UVRAG: variants seen among roughly 807,000 people sequenced by gnomAD.
The protein encoded by UVRAG is UV radiation resistance-associated gene protein.
A neutral mutation model predicts 78.0 loss-of-function variants in UVRAG; 19 were observed. The observed-to-expected ratio is 0.24, with a 90% confidence interval of 0.17 to 0.36. UVRAG has a LOEUF of 0.36. Ranked by LOEUF, UVRAG falls within the 10% of genes least tolerant of loss-of-function variation. UVRAG has a pLI of 1.00. For synonymous variants in UVRAG, 323 were observed against 324.6 expected (o/e 1.00, Z 0.05); for missense variants, 740 against 853.8 (o/e 0.87, Z 1.66).
At position 75,995,124 on chromosome 11, in the gene UVRAG, A is replaced by G. The variant is rs144124355; in HGVS notation, c.827-8881A>G. ...ACCTTTTTTAATGCCTCTCTTTATT[A>G]TTGTTATTATTATAAGTTTAATGCT... On this transcript the variant is annotated intron_variant, in intron 8 of 14. Coordinates refer to ENST00000356136, the MANE Select transcript of UVRAG (RefSeq NM_003369.4). Among the ~76,000 whole-genome samples, 60 of 151,486 alleles carry G rather than the reference A, an allele frequency of 4.0e-4. No homozygotes were observed. The East Asian group carries it at 6.0e-3, about 15-fold the overall frequency.
intron 12 of UVRAG, among the ~76,000 whole-genome samples, chr11:76,045,928 A>G (rs1950745095): frequency 6.6e-6 from 1 of 152,198 alleles, no homozygotes; most frequent in African/African-American, 2.4e-5. Flanking sequence ...TGCCTAGCAC[A>G]ATAACATTTT....
chr11:75,942,047 G>A (rs905325489), intron 6 of UVRAG: 1 of 152,112 alleles, frequency 6.6e-6, no homozygotes, highest in Non-Finnish European at 1.5e-5. Context: ...AAGAGATGGG[G>A]TGCCAGTTAT....
intron 10 of UVRAG, 72 bp from the exon 11 acceptor site, chr11:76,008,735 C>A: frequency 1.2e-6 from 1 of 842,144 alleles, no homozygotes; most frequent in Non-Finnish European, 1.9e-6. Context: ...CAGCACCGAC[C>A]TGCTGATCTG....
At chr11:75,925,076 C>T (rs1948067794) in intron 6 of UVRAG, among the ~76,000 whole-genome samples, 1 of 152,170 alleles carries the variant, frequency 6.6e-6, no homozygotes, top group Non-Finnish European at 1.5e-5. Flanking sequence ...GGCTTGAATT[C>T]ACAGAGTTAC....
intron 1 of UVRAG, among the ~76,000 whole-genome samples, chr11:75,819,268 T>G (rs1164650036): frequency 6.6e-6 from 1 of 152,206 alleles, no homozygotes. Context: ...CTTAATTTTG[T>G]CTCCTTTTGC....
chr11:76,132,934 G>C (rs112994006), intron 14 of UVRAG, among the ~76,000 whole-genome samples: 504 of 152,290 alleles, frequency 3.3e-3, no homozygotes, highest in South Asian at 0.011. Flanking sequence ...TTAACAATTA[G>C]GTAGACCGGC....
chr11:76,063,539 A>G (rs892659191), intron 12 of UVRAG, among the ~76,000 whole-genome samples: 3 of 152,212 alleles, frequency 2.0e-5, no homozygotes, highest in African/African-American at 2.4e-5. Context: ...GCTACAAGGT[A>G]TGGTTCAAAT....
chr11:76,141,581 A>G lies in UVRAG; in HGVS notation c.*168A>G, dbSNP rs1433033868. On this transcript the variant is annotated 3_prime_UTR_variant, in exon 15 of 15. Transcript: ENST00000356136. Reference sequence around the variant, plus strand: ...GGAGGGACTCAGGATCATTGTTATCAGTGGGCCAAAGTTAGATTTTGCTTT... The same window carrying G: ...GGAGGGACTCAGGATCATTGTTATCGGTGGGCCAAAGTTAGATTTTGCTTT... 1.4e-5 allele frequency: 10 copies of G among 731,250 alleles called. No homozygotes were observed. Among genetic ancestry groups the G allele is most frequent in the Non-Finnish European group, 1.9e-5 (9 of 465,746 alleles). 45.3% of individuals were successfully genotyped at this position (731,250 alleles called of 1,614,324 possible). A position where few individuals can be genotyped will look rare whatever the true frequency, so the allele number is the denominator to read the frequency against.
intron 2 of UVRAG, among the ~76,000 whole-genome samples, chr11:75,853,166 GC>G (rs1946197198): frequency 6.6e-6 from 1 of 152,032 alleles, no homozygotes; most frequent in Admixed American, 6.6e-5. Flanking sequence ...TCCTCCCCCA[GC>G]CTCCCAAAGT....
At chr11:76,036,263 A>G (rs1360596697) in intron 12 of UVRAG, among the ~76,000 whole-genome samples, 2 of 152,216 alleles carry the variant, frequency 1.3e-5, no homozygotes, top group Non-Finnish European at 2.9e-5. Flanking sequence ...AAAACGTTAA[A>G]TTAGGCTGGG....
At chr11:76,007,431 AC>A in intron 9 of UVRAG, 102 bp from the exon 10 acceptor site, 1 of 897,740 alleles carries the variant, frequency 1.1e-6, no homozygotes, top group Admixed American at 2.4e-5. Context: ...GTGGCCTATT[AC>A]AGACAGTATA....
intron 1 of UVRAG, among the ~76,000 whole-genome samples, chr11:75,830,366 T>G (rs1179329036): frequency 6.6e-6 from 1 of 151,332 alleles, no homozygotes; most frequent in Non-Finnish European, 1.5e-5. Context: ...GCCTCTCGGG[T>G]TCAAGCGATT....
intron 11 of UVRAG, among the ~76,000 whole-genome samples, chr11:76,010,418 A>T (rs2135352597): frequency 6.6e-6 from 1 of 152,350 alleles, no homozygotes; most frequent in Admixed American, 6.5e-5. Flanking sequence ...ACTGCTTTAG[A>T]TAAAGCAGTC....
Position 75,907,939 on chromosome 11 carries a change from T to C in UVRAG, c.508-4015T>C, listed in dbSNP as rs546471498. On this transcript the variant is annotated intron_variant, in intron 5 of 14. Transcript: ENST00000356136. ...TACAAATACACAAAATTTACTATCT[T>C]AACCATTCTAAGTATACAGTTTAGT... Among the ~76,000 whole-genome samples the C allele has an allele frequency of 2.0e-4, 30 of 152,326 alleles. No homozygotes were observed. In the South Asian group the frequency reaches 6.2e-3, roughly 32 times the overall value.
Position 75,998,723 on chromosome 11 carries a change from T to G in UVRAG, c.827-5282T>G, listed in dbSNP as rs541010070. Among the ~76,000 whole-genome samples the G allele has an allele frequency of 9.2e-5, 14 of 152,320 alleles. No homozygotes were observed. In the South Asian group the frequency reaches 2.7e-3, roughly 29 times the overall value. ...GGTGAAATAATTGAGCTAAAGCTTT[T>G]AACAAATCGTTAATGACCAAGTGTA... is the stretch of plus-strand genomic sequence containing the variant. On this transcript the variant is annotated intron_variant, in intron 8 of 14. Coordinates refer to ENST00000356136, the MANE Select transcript of UVRAG (RefSeq NM_003369.4).
intron 3 of UVRAG, among the ~76,000 whole-genome samples, chr11:75,876,216 G>A (rs1946775929): frequency 6.6e-6 from 1 of 152,054 alleles, no homozygotes; most frequent in African/African-American, 2.4e-5. Flanking sequence ...TTTTCAGTGA[G>A]AGGATTGTCT....
intron 6 of UVRAG, among the ~76,000 whole-genome samples, chr11:75,919,956 C>T (rs1947938268): frequency 7.8e-6 from 1 of 128,628 alleles, no homozygotes. Context: ...AAAGCAGGCA[C>T]ATAGAAGATT....
intron 5 of UVRAG, among the ~76,000 whole-genome samples, chr11:75,908,739 T>TTTTTTTTG (rs1947672693): frequency 7.1e-6 from 1 of 141,628 alleles, no homozygotes; most frequent in African/African-American, 2.7e-5. Flanking sequence ...TTTTTTTTTT[T>TTTTTTTTG]GTGGGAGTTT....
intron 13 of UVRAG, among the ~76,000 whole-genome samples, chr11:76,113,194 G>A (rs973742983): frequency 3.3e-5 from 5 of 152,308 alleles, no homozygotes; most frequent in Non-Finnish European, 7.3e-5. Flanking sequence ...GAGGTAAACA[G>A]TAAATATTGA....
Sources: gnomAD v4.1 joint callset for allele counts (sites outside exome capture counted in the v4.1 genomes callset) on GRCh38, gnomAD v4.1.1 for gene constraint, MANE v1.5 for transcripts, NCBI Gene and HGNC (gene_info 2026-07-23, HGNC 2026-07-21) for gene names.